Variants in SMAP1 observed in about 807,000 individuals in gnomAD.
SMAP1 encodes the protein stromal membrane-associated protein 1.
In SMAP1, 24 loss-of-function variants were observed where a neutral mutation model predicts 58.5. The ratio of observed to expected loss-of-function variants is 0.41; its 90% CI spans 0.30 to 0.58. The LOEUF (loss-of-function observed/expected upper bound fraction) is 0.58. Ranked by LOEUF, SMAP1 falls within the 20% of genes least tolerant of loss-of-function variation. The pLI is 0.29. For synonymous variants in SMAP1, 216 were observed against 196.6 expected (o/e 1.10, Z -0.82); for missense variants, 563 against 566.3 (o/e 0.99, Z 0.06).
At chr6:70,803,815 T>G (rs113974499) in intron 6 of SMAP1, among the ~76,000 whole-genome samples, 5,012 of 152,340 alleles carry the variant, frequency 0.033, 309 homozygotes, top group African/African-American at 0.11. Context: ...ATGAGTTTCT[T>G]AATCCTGAGT....
At chr6:70,791,822 C>T in intron 5 of SMAP1, 53 bp downstream of exon 5, 2 of 1,470,308 alleles carry the variant, frequency 1.4e-6, no homozygotes, top group Non-Finnish European at 1.9e-6. Context: ...GGTAAATTAA[C>T]TTCCTTTTGC....
chr6:70,846,566 T>C lies in SMAP1; in HGVS notation c.665-5974T>C, dbSNP rs554973730. 3.3e-5 allele frequency among the ~76,000 whole-genome samples: 5 copies of C among 152,240 alleles called. No individual in the cohort carries two copies. In the East Asian group the frequency reaches 9.7e-4, roughly 29 times the overall value. ...GCAGCCCCTGGATTAGCGGAACATT[T>C]GGAGGTGGAGTTGGTAGGCCTGACT... On this transcript the variant is annotated intron_variant, in intron 7 of 10. Transcript: ENST00000370455.
chr6:70,754,973 A>G lies in SMAP1; in HGVS notation c.253-7A>G, dbSNP rs1766426367. ...TGTGAGTAATTAAAAAATTTTTTTTATTATAGTGCATGCAAGATATGGGAA... is the reference window on the plus strand; with the variant it reads ...TGTGAGTAATTAAAAAATTTTTTTTGTTATAGTGCATGCAAGATATGGGAA... On this transcript the variant is annotated splice_region_variant and splice_polypyrimidine_tract_variant and intron_variant, in intron 2 of 10. Transcript: ENST00000370455. 6.3e-7 allele frequency: 1 copy of G among 1,596,030 alleles called. No individual in the cohort carries two copies.
rs529976714 is a variant in SMAP1, at chr6:70,727,255, C to T, written c.119-5123C>T. 5.9e-5 allele frequency among the ~76,000 whole-genome samples: 9 copies of T among 152,192 alleles called. No individual in the cohort carries two copies. In the South Asian group the frequency reaches 1.0e-3, roughly 18 times the overall value. On this transcript the variant is annotated intron_variant, in intron 1 of 10. Transcript: ENST00000370455. ...TCCTGAGTAGCTGGGACTACAGGCA[C>T]GTACCAACACGCCCAGCTAATTTTT... is the stretch of plus-strand genomic sequence containing the variant.
rs1344891379 is a variant in SMAP1, at chr6:70,757,100, A to G, written c.338+2035A>G. On this transcript the variant is annotated intron_variant, in intron 3 of 10. Coordinates refer to ENST00000370455, the MANE Select transcript of SMAP1 (RefSeq NM_001044305.3). ...AAAAGAACAAAGCTGGAGGCATCAC[A>G]CTACCTGACTTCAAAATATACTACA... 2.6e-5 allele frequency among the ~76,000 whole-genome samples: 4 copies of G among 152,244 alleles called. No individual in the cohort carries two copies. The South Asian group carries it at 6.2e-4, about 24-fold the overall frequency.
chr6:70,776,795 AT>A, intron 4 of SMAP1, among the ~76,000 whole-genome samples: 1 of 152,164 alleles, frequency 6.6e-6, no homozygotes, highest in Non-Finnish European at 1.5e-5. Flanking sequence ...CCCCAGGATT[AT>A]CCATGTTGCT....
At chr6:70,817,173 C>T (rs1370447044) in intron 6 of SMAP1, among the ~76,000 whole-genome samples, 1 of 150,518 alleles carries the variant, frequency 6.6e-6, no homozygotes, top group Admixed American at 6.6e-5. Context: ...TTCTTAACTA[C>T]TAACCCTGCT....
intron 4 of SMAP1, among the ~76,000 whole-genome samples, chr6:70,785,267 C>T (rs1336328323): frequency 1.3e-5 from 2 of 152,018 alleles, no homozygotes; most frequent in African/African-American, 4.8e-5. Context: ...AGAACAAAGA[C>T]ACAACATACC....
At chr6:70,729,451 A>AGAAGGTT (rs1562119291) in intron 1 of SMAP1, among the ~76,000 whole-genome samples, 1 of 83,190 alleles carries the variant, frequency 1.2e-5, no homozygotes, top group East Asian at 2.5e-4. Context: ...AAAAAAAAAA[A>AGAAGGTT]AAGAAGGTTG....
intron 3 of SMAP1, among the ~76,000 whole-genome samples, chr6:70,769,600 G>T (rs1032033320): frequency 7.9e-5 from 12 of 151,988 alleles, no homozygotes; most frequent in Non-Finnish European, 1.6e-4. Flanking sequence ...TTTTCCATTT[G>T]CTTGGTAGAT....
At chr6:70,767,253 CT>C (rs1464287690) in intron 3 of SMAP1, among the ~76,000 whole-genome samples, 1 of 151,228 alleles carries the variant, frequency 6.6e-6, no homozygotes, top group Admixed American at 6.6e-5. Context: ...TCCATATGAA[CT>C]TTAAAGTAGT....
At chr6:70,801,453 A>T (rs6917091) in intron 6 of SMAP1, among the ~76,000 whole-genome samples, 7,131 of 152,102 alleles carry the variant, frequency 0.047, 512 homozygotes, top group African/African-American at 0.16. Context: ...ATTTTCTCCC[A>T]TTCTTTAGGT....
intron 1 of SMAP1, among the ~76,000 whole-genome samples, chr6:70,727,026 G>A (rs77575279): frequency 6.6e-6 from 1 of 151,806 alleles, no homozygotes; most frequent in African/African-American, 2.4e-5. Flanking sequence ...GATGGGGGGG[G>A]CACTGTTCAT....
intron 1 of SMAP1, among the ~76,000 whole-genome samples, chr6:70,724,650 T>C (rs1277165135): frequency 2.6e-5 from 4 of 152,238 alleles, no homozygotes. Flanking sequence ...TAAACTCTTT[T>C]GAAGTTTATA....
In SMAP1 at chr6:70,856,867, C is replaced by G; in HGVS notation, c.798C>G (p.Pro266=). ...ATVMPPAQGT[P]SAPAAATLST... is the part of the protein sequence containing the mutation. Reference sequence around the variant, plus strand: ...TTTGGTGTTTGTCTCAGGGGACACCCTCTGCACCAGCAGCTGCAACCCTGT... The same window carrying G: ...TTTGGTGTTTGTCTCAGGGGACACCGTCTGCACCAGCAGCTGCAACCCTGT... The change falls in exon 9 of 11, where the codon CCC becomes CCG. Residue 266 remains proline, a synonymous_variant. Coordinates refer to ENST00000370455, the MANE Select transcript of SMAP1 (RefSeq NM_001044305.3). The G allele has an allele frequency of 6.2e-7, 1 of 1,611,692 alleles. No individual in the cohort carries two copies. Among genetic ancestry groups the G allele is most frequent in the East Asian group, 2.2e-5 (1 of 44,838 alleles).
intron 1 of SMAP1, chr6:70,668,609 T>C (rs1364731654): frequency 2.0e-6 from 3 of 1,535,846 alleles, no homozygotes; most frequent in East Asian, 2.4e-5. Context: ...CACTCCGGGC[T>C]CGGATTCTTG....
chr6:70,768,818 T>C (rs1254941944), intron 3 of SMAP1, among the ~76,000 whole-genome samples: 1 of 152,194 alleles, frequency 6.6e-6, no homozygotes, highest in Non-Finnish European at 1.5e-5. Flanking sequence ...GCTCTTGCTT[T>C]TCTAGTTCTT....
At chr6:70,762,044 G>C (rs1766773869) in intron 3 of SMAP1, among the ~76,000 whole-genome samples, 2 of 152,010 alleles carry the variant, frequency 1.3e-5, no homozygotes, top group Admixed American at 1.3e-4. Flanking sequence ...CTGGAAATGA[G>C]GCTGTACATT....
chr6:70,852,733 A>G (rs563956648), intron 8 of SMAP1, 69 bp downstream of exon 8: 1 of 1,432,714 alleles, frequency 7.0e-7, no homozygotes, highest in African/African-American at 1.5e-5. Context: ...CAAAATTTCA[A>G]TTTTGGAAGA....
Sources: gnomAD v4.1 joint callset for allele counts (sites outside exome capture counted in the v4.1 genomes callset) on GRCh38, gnomAD v4.1.1 for gene constraint, MANE v1.5 for transcripts, NCBI Gene and HGNC (gene_info 2026-07-23, HGNC 2026-07-21) for gene names.